The following NRK variants were observed in gnomAD, a reference collection of about 807,000 sequenced individuals.
The protein encoded by NRK is Nik related kinase.
In NRK, 67 loss-of-function variants were observed where a neutral mutation model predicts 125.2. That is an observed-to-expected ratio of 0.54 (90% CI 0.44 to 0.66). The LOEUF is 0.66. Ranked by LOEUF, NRK falls within the 30% of genes least tolerant of loss-of-function variation. NRK has a pLI of 0.00. For synonymous variants in NRK, 458 were observed against 429.0 expected (o/e 1.07, Z -0.84); for missense variants, 1,224 against 1,192.9 (o/e 1.03, Z -0.38).
At chrX:105,903,609 G>A (rs1359608058) in intron 9 of NRK, among the ~76,000 whole-genome samples, 1 of 111,541 alleles carries the variant, frequency 9.0e-6, no homozygotes, top group Non-Finnish European at 1.9e-5. Context: ...TAGGTTGGAG[G>A]GGGCAGTTAC....
intron 10 of NRK, among the ~76,000 whole-genome samples, chrX:105,906,172 A>C (rs2040216370): frequency 8.9e-6 from 1 of 111,767 alleles, no homozygotes; most frequent in African/African-American, 3.3e-5. Flanking sequence ...AACTCATTGA[A>C]ACTTCTACTG....
chrX:105,822,559 G>A lies in NRK; in HGVS notation c.-287G>A. On this transcript the variant is annotated 5_prime_UTR_variant, in exon 1 of 29. Transcript: ENST00000243300. ...GGGGCAGACACAGCGCTCTCGACAC[G>A]GAGCACCCTTCTAGCTTCTTCGTCT... is the stretch of plus-strand genomic sequence containing the variant. The A allele has an allele frequency of 2.8e-6, 1 of 363,006 alleles. No individual in the cohort carries two copies. The highest frequency in any genetic ancestry group is 4.2e-5 in the South Asian group (1 of 23,712). 29.9% of individuals were successfully genotyped at this position (363,006 alleles called of 1,213,427 possible). A position where few individuals can be genotyped will look rare whatever the true frequency, so the allele number is the denominator to read the frequency against.
chrX:105,895,343 A>G, intron 6 of NRK, 90 bp from the exon 7 acceptor site: 1 of 751,813 alleles, frequency 1.3e-6, no homozygotes, highest in South Asian at 2.2e-5. Flanking sequence ...AAGTTTTTCC[A>G]AAAATACTAA....
intron 2 of NRK, among the ~76,000 whole-genome samples, chrX:105,840,599 G>A (rs1415983628): frequency 3.6e-5 from 4 of 110,679 alleles, no homozygotes; most frequent in East Asian, 5.7e-4. Flanking sequence ...TCTCCATGGC[G>A]AAATAATGCA....
At chrX:105,915,244 G>A (rs2040351224) in intron 14 of NRK, among the ~76,000 whole-genome samples, 2 of 110,790 alleles carry the variant, frequency 1.8e-5, no homozygotes, top group African/African-American at 6.6e-5. Context: ...ATGTATGTGT[G>A]TGTGACAACT....
intron 16 of NRK, among the ~76,000 whole-genome samples, chrX:105,920,983 A>C (rs2040435199): frequency 1.1e-5 from 1 of 93,696 alleles, no homozygotes; most frequent in African/African-American, 3.9e-5. Flanking sequence ...ATTACTGGGT[A>C]TATACCCAAA....
intron 6 of NRK, among the ~76,000 whole-genome samples, chrX:105,894,782 G>A (rs1281650217): frequency 8.9e-6 from 1 of 111,807 alleles, no homozygotes; most frequent in Non-Finnish European, 1.9e-5. Context: ...TACAATCCTT[G>A]GCAAAGAATA....
At chrX:105,849,582 G>T (rs1264882479) in intron 2 of NRK, among the ~76,000 whole-genome samples, 1 of 112,001 alleles carries the variant, frequency 8.9e-6, no homozygotes, top group African/African-American at 3.2e-5. Flanking sequence ...AAAATCAAAA[G>T]CAAGTTAATT....
chrX:105,923,424 A>G lies in NRK; in HGVS notation c.2917A>G (p.Asn973Asp). ...TGTTTGTAAAGACCATGATGATGACAACAATAAGTTTGTTGATGATGTAAA... is the reference window on the plus strand; with the variant it reads ...TGTTTGTAAAGACCATGATGATGACGACAATAAGTTTGTTGATGATGTAAA... ...NDVCKDHDDD[N>D]NKFVDDVNNN... Residue 973 changes from asparagine to aspartate, a missense_variant, in exon 18 of 29, where the codon AAC (asparagine) becomes GAC (aspartate). By Grantham distance (23) the Asn-to-Asp change is conservative (BLOSUM62 1). Coordinates refer to ENST00000243300, the MANE Select transcript of NRK (RefSeq NM_198465.4). 8.7e-7 allele frequency: 1 copy of G among 1,151,433 alleles called. No individual in the cohort carries two copies. The highest frequency in any genetic ancestry group is 1.2e-6 in the Non-Finnish European group (1 of 860,099). 94.9% of individuals were successfully genotyped at this position (1,151,433 alleles called of 1,213,427 possible). A position where few individuals can be genotyped will look rare whatever the true frequency, so the allele number is the denominator to read the frequency against.
chrX:105,870,336 T>C (rs1356417989), intron 2 of NRK, among the ~76,000 whole-genome samples: 6 of 111,682 alleles, frequency 5.4e-5, no homozygotes, highest in Non-Finnish European at 1.1e-4. Flanking sequence ...AGTTCCTATG[T>C]AGTTTCCTCA....
intron 2 of NRK, among the ~76,000 whole-genome samples, chrX:105,856,826 A>C (rs2039537427): frequency 8.9e-6 from 1 of 111,759 alleles, no homozygotes; most frequent in Non-Finnish European, 1.9e-5. Context: ...TAATGTTTTA[A>C]AAACATGGGA....
chrX:105,842,914 C>T (rs1316718601), intron 2 of NRK, among the ~76,000 whole-genome samples: 1 of 111,714 alleles, frequency 9.0e-6, no homozygotes, highest in Non-Finnish European at 1.9e-5. Flanking sequence ...TTAACCTCTA[C>T]AAGAATTTTG....
chrX:105,823,018 C>G (rs1270825539), intron 1 of NRK, 116 bp downstream of exon 1: 89 of 702,782 alleles, frequency 1.3e-4, no homozygotes, highest in Non-Finnish European at 1.7e-4. Context: ...GACGGGTCCC[C>G]CGGGCGCGGA....
chrX:105,843,547 G>C (rs2039356115), intron 2 of NRK, among the ~76,000 whole-genome samples: 1 of 112,191 alleles, frequency 8.9e-6, no homozygotes, highest in Non-Finnish European at 1.9e-5. Flanking sequence ...AGGTGGCACT[G>C]TGTAGAGATA....
intron 9 of NRK, among the ~76,000 whole-genome samples, chrX:105,904,380 G>A (rs1849034410): frequency 8.9e-6 from 1 of 111,746 alleles, no homozygotes; most frequent in Admixed American, 9.6e-5. Context: ...TTATGCCTGT[G>A]TGTATGAAAG....
chrX:105,879,801 C>T (rs1201835737), intron 2 of NRK, among the ~76,000 whole-genome samples: 1 of 110,788 alleles, frequency 9.0e-6, no homozygotes, highest in African/African-American at 3.3e-5. Flanking sequence ...TACAACAACT[C>T]GTTTTCTGCC....
chrX:105,851,443 G>A (rs775184505), intron 2 of NRK, among the ~76,000 whole-genome samples: 10 of 112,081 alleles, frequency 8.9e-5, no homozygotes, highest in African/African-American at 1.9e-4. Context: ...TATGTTCCAC[G>A]GACCAGCCTT....
intron 9 of NRK, among the ~76,000 whole-genome samples, chrX:105,904,970 T>C: frequency 8.9e-6 from 1 of 112,487 alleles, no homozygotes; most frequent in Non-Finnish European, 1.9e-5. Flanking sequence ...TGTTTCACTT[T>C]CAGTTAACTT....
intron 24 of NRK, among the ~76,000 whole-genome samples, chrX:105,944,500 T>A (rs998677699): frequency 9.0e-6 from 1 of 111,508 alleles, no homozygotes; most frequent in Admixed American, 9.5e-5. Context: ...CCCCTCCCCT[T>A]ATAGGACCTC....
Sources: allele counts gnomAD v4.1 joint callset (sites outside exome capture counted in the v4.1 genomes callset), GRCh38; gene constraint gnomAD v4.1.1; transcripts MANE v1.5; gene names NCBI Gene and HGNC (gene_info 2026-07-23, HGNC 2026-07-21).